RAB8B: variants seen among roughly 807,000 people sequenced by gnomAD.
RAB8B encodes the protein RAB8B, member RAS oncogene family.
A neutral mutation model predicts 32.0 loss-of-function variants in RAB8B; 11 were observed. The ratio of observed to expected loss-of-function variants is 0.34; its 90% confidence interval spans 0.22 to 0.57. The LOEUF (loss-of-function observed/expected upper bound fraction) is 0.57. Among genes scored for constraint, RAB8B ranks in the 20% least tolerant of loss-of-function variants. The pLI is 0.86. For synonymous variants in RAB8B, 103 were observed against 89.6 expected, an observed-to-expected ratio of 1.15 and a Z score of -0.85; for missense variants, 190 against 258.5, an observed-to-expected ratio of 0.73 and a Z score of 1.82.
At chr15:63,218,633 C>T (rs1469632271) in intron 1 of RAB8B, among the ~76,000 whole-genome samples, 2 of 152,190 alleles carry the variant, frequency 1.3e-5, no homozygotes, top group Non-Finnish European at 2.9e-5. Flanking sequence ...GAAATGATGT[C>T]AGTTACCACA....
rs58765418 is a variant in RAB8B at position 63,197,370 on chromosome 15, C to CTT, written c.124+7642_124+7643dup. Among the ~76,000 whole-genome samples, 203 of 61,424 alleles carry CTT rather than the reference C, an allele frequency of 3.3e-3. 10 individuals carry two copies. The highest frequency in any genetic ancestry group is 5.4e-3 in the African/African-American group (76 of 13,980). The allele number at this position is 61,424 out of a possible 152,430, so 40.3% of individuals were successfully genotyped here. A position where few individuals can be genotyped will look rare whatever the true frequency, so the allele number is the denominator to read the frequency against. On this transcript the variant is annotated intron_variant, in intron 1 of 7. Transcript: ENST00000321437. The stretch of plus-strand genomic sequence containing the variant: ...TTTTCTTTCTTTCTTTCTTTCTTTT[C>CTT]TTTTTTTTTTTTTTTTTTTTTAAGA...
rs566504191 is a variant in RAB8B at position 63,238,004 on chromosome 15, A to G, written c.125-6752A>G. ...ATTGAAGAGACTGTCCTTTCCCCCA[A>G]TGTATGTACTTGGCACCTTTGTCAA... On this transcript the variant is annotated intron_variant, in intron 1 of 7. Transcript: ENST00000321437. Among the ~76,000 whole-genome samples, 20 of 151,834 alleles carry G rather than the reference A, an allele frequency of 1.3e-4. No individual in the cohort carries two copies. In the South Asian group the frequency reaches 1.9e-3, roughly 14 times the overall value.
At chr15:63,207,628 C>T (rs1460210991) in intron 1 of RAB8B, among the ~76,000 whole-genome samples, 1 of 151,766 alleles carries the variant, frequency 6.6e-6, no homozygotes, top group East Asian at 1.9e-4. Flanking sequence ...GGCGTGATCT[C>T]GGCTCACTGC....
At chr15:63,222,144 G>T (rs1332167731) in intron 1 of RAB8B, among the ~76,000 whole-genome samples, 4 of 152,178 alleles carry the variant, frequency 2.6e-5, no homozygotes, top group Non-Finnish European at 4.4e-5. Context: ...TTCTTGCCTT[G>T]GGTGGCTTCT....
At chr15:63,244,304 AT>A (rs965395287) in intron 1 of RAB8B, among the ~76,000 whole-genome samples, 10 of 152,176 alleles carry the variant, frequency 6.6e-5, no homozygotes, top group East Asian at 5.8e-4. Flanking sequence ...AAATAGGCAA[AT>A]TTTTTTTCCT....
chr15:63,247,612 A>G (rs902993934), intron 2 of RAB8B, among the ~76,000 whole-genome samples: 3 of 152,202 alleles, frequency 2.0e-5, no homozygotes, highest in Admixed American at 6.5e-5. Flanking sequence ...TGCTGATCTA[A>G]TGTGTATTGA....
chr15:63,208,347 T>G (rs2037716587), intron 1 of RAB8B, among the ~76,000 whole-genome samples: 1 of 152,226 alleles, frequency 6.6e-6, no homozygotes, highest in African/African-American at 2.4e-5. Context: ...TTGATGTGCT[T>G]CTTACATTTT....
intron 4 of RAB8B, among the ~76,000 whole-genome samples, 196 bp downstream of exon 4, chr15:63,255,780 G>A (rs1159465225): frequency 1.3e-5 from 2 of 152,234 alleles, no homozygotes; most frequent in Non-Finnish European, 2.9e-5. Context: ...GAGAAGTAAC[G>A]TCACAAGATT....
chr15:63,252,031 A>G (rs2038120934), intron 3 of RAB8B, among the ~76,000 whole-genome samples: 1 of 151,998 alleles, frequency 6.6e-6, no homozygotes, highest in Non-Finnish European at 1.5e-5. Context: ...GCTTTGGGGA[A>G]AAACAGGACC....
rs2038223000 is a variant in RAB8B, at chr15:63,264,020, A to C, written c.*401A>C. On this transcript the variant is annotated 3_prime_UTR_variant, in exon 8 of 8. Coordinates refer to ENST00000321437, the MANE Select transcript of RAB8B (RefSeq NM_016530.3). ...TTTGTACATGTGGCAATGTTAAAAG[A>C]GCATTTACAGCAGAGGTTAATATAC... is the stretch of plus-strand genomic sequence containing the variant. 1 of 161,292 alleles carries C rather than the reference A, an allele frequency of 6.2e-6. No individual in the cohort carries two copies. The highest frequency in any genetic ancestry group is 1.4e-5 in the Non-Finnish European group (1 of 72,562). 10.0% of individuals were successfully genotyped at this position (161,292 alleles called of 1,614,324 possible).
At chr15:63,238,576 A>G (rs904848450) in intron 1 of RAB8B, among the ~76,000 whole-genome samples, 10 of 152,192 alleles carry the variant, frequency 6.6e-5, no homozygotes, top group African/African-American at 2.4e-4. Context: ...TCATATAGAT[A>G]TGAGTATACA....
chr15:63,211,716 A>G (rs901241304), intron 1 of RAB8B, among the ~76,000 whole-genome samples: 1 of 152,210 alleles, frequency 6.6e-6, no homozygotes, highest in Non-Finnish European at 1.5e-5. Context: ...ATTGACTGAC[A>G]CTAGTCAATT....
Position 63,257,562 on chromosome 15 carries a change from C to G in RAB8B, c.414+968C>G, listed in dbSNP as rs183546656. Reference sequence around the variant, plus strand: ...GATTACAGGTGTGAGGCACCATGCCCAGCCACATTTTGTTTTTCAATCTGA... The same window carrying G: ...GATTACAGGTGTGAGGCACCATGCCGAGCCACATTTTGTTTTTCAATCTGA... On this transcript the variant is annotated intron_variant, in intron 5 of 7. Coordinates refer to ENST00000321437, the MANE Select transcript of RAB8B (RefSeq NM_016530.3). 1.7e-4 allele frequency among the ~76,000 whole-genome samples: 26 copies of G among 152,222 alleles called. 1 individual carries two copies. In the East Asian group the frequency reaches 3.7e-3, roughly 21 times the overall value.
chr15:63,225,700 C>T (rs921446907), intron 1 of RAB8B, among the ~76,000 whole-genome samples: 2 of 152,146 alleles, frequency 1.3e-5, no homozygotes, highest in Non-Finnish European at 2.9e-5. Context: ...CCTAGGAGCT[C>T]CTTGAGACTC....
intron 3 of RAB8B, among the ~76,000 whole-genome samples, chr15:63,252,856 C>G (rs1419379359): frequency 6.6e-6 from 1 of 151,078 alleles, no homozygotes; most frequent in Non-Finnish European, 1.5e-5. Context: ...TCAAGCGATT[C>G]TCCTGCCTCA....
rs983038671 is a variant in RAB8B at position 63,243,286 on chromosome 15, T to C, written c.125-1470T>C. The stretch of plus-strand genomic sequence containing the variant: ...TGCTGTGCAGCCCAGTACTGGTCTG[T>C]GGCCCAGGGATTGAGAAACCCTGCT... On this transcript the variant is annotated intron_variant, in intron 1 of 7. Transcript: ENST00000321437. 2.6e-5 allele frequency among the ~76,000 whole-genome samples: 4 copies of C among 152,202 alleles called. No homozygotes were observed. The East Asian group carries it at 7.7e-4, about 29-fold the overall frequency.
chr15:63,204,085 G>GT (rs996891884), intron 1 of RAB8B, among the ~76,000 whole-genome samples: 9 of 148,784 alleles, frequency 6.0e-5, no homozygotes, highest in South Asian at 2.1e-4. Flanking sequence ...AAGGTGAGGT[G>GT]TTTTTTTTTT....
intron 1 of RAB8B, among the ~76,000 whole-genome samples, chr15:63,220,987 T>A (rs1213105953): frequency 1.3e-5 from 2 of 152,188 alleles, no homozygotes; most frequent in African/African-American, 4.8e-5. Flanking sequence ...ACATGCATAA[T>A]GATATGCATT....
chr15:63,258,698 A>C (rs1269754972), intron 5 of RAB8B, among the ~76,000 whole-genome samples: 1 of 152,150 alleles, frequency 6.6e-6, no homozygotes, highest in Non-Finnish European at 1.5e-5. Context: ...ACCCTCTAGA[A>C]ATTTCCCATG....
Sources: allele counts gnomAD v4.1 joint callset (sites outside exome capture counted in the v4.1 genomes callset), GRCh38; gene constraint gnomAD v4.1.1; transcripts MANE v1.5; gene names NCBI Gene and HGNC (gene_info 2026-07-23, HGNC 2026-07-21).